The following TSPAN7 variants were observed in gnomAD, a reference collection of about 807,000 sequenced individuals.
The protein encoded by TSPAN7 is tetraspanin-7.
In TSPAN7, 1 loss-of-function variant was observed where a neutral mutation model predicts 17.6. The observed-to-expected ratio is 0.06, with a 90% CI of 0.02 to 0.27. TSPAN7 has a LOEUF of 0.27. TSPAN7 is among the 10% of genes least tolerant of loss of function. The pLI is 1.00. For synonymous variants in TSPAN7, 78 were observed against 79.0 expected (o/e 0.99, Z 0.07); for missense variants, 112 against 201.7 (o/e 0.56, Z 2.69).
Position 38,600,589 on chromosome X carries a change from GAATCTTAC to G in TSPAN7, c.81+38966_81+38973del, listed in dbSNP as rs771547666. ...CATCTGTCCAGCCCAGCTAAGAGTG[GAATCTTAC>G]AATTTGACAACCTATAAATAGGAGG... On this transcript the variant is annotated intron_variant, in intron 1 of 7. Coordinates refer to ENST00000378482, the MANE Select transcript of TSPAN7 (RefSeq NM_004615.4). Among the ~76,000 whole-genome samples, 20 of 111,599 alleles carry G rather than the reference GAATCTTAC, an allele frequency of 1.8e-4. No homozygotes were observed. The South Asian group carries it at 7.1e-3, about 40-fold the overall frequency.
intron 6 of TSPAN7, among the ~76,000 whole-genome samples, chrX:38,686,550 G>A (rs1471624766): frequency 4.5e-5 from 5 of 111,917 alleles, no homozygotes; most frequent in Non-Finnish European, 9.4e-5. Context: ...AGGCGATCGT[G>A]ATGCTCTTGG....
intron 1 of TSPAN7, among the ~76,000 whole-genome samples, chrX:38,593,147 A>G (rs1195212454): frequency 1.8e-5 from 2 of 110,398 alleles, no homozygotes; most frequent in East Asian, 5.7e-4. Flanking sequence ...GTTCTTCCAT[A>G]TGTAACTTTT....
chrX:38,572,129 C>T (rs774008329), intron 1 of TSPAN7, among the ~76,000 whole-genome samples: 2 of 111,608 alleles, frequency 1.8e-5, no homozygotes, highest in East Asian at 5.6e-4. Flanking sequence ...TCATTACTTA[C>T]CAAAGTAAGA....
intron 1 of TSPAN7, among the ~76,000 whole-genome samples, chrX:38,614,281 T>C (rs2069440527): frequency 8.9e-6 from 1 of 112,040 alleles, no homozygotes; most frequent in Non-Finnish European, 1.9e-5. Context: ...TGGAACACCT[T>C]TGTGCCAGGT....
chrX:38,661,634 C>T (rs1385430696), intron 1 of TSPAN7, among the ~76,000 whole-genome samples: 1 of 111,798 alleles, frequency 8.9e-6, no homozygotes, highest in African/African-American at 3.3e-5. Context: ...CCACGGTCTC[C>T]TATCTCTCTC....
chrX:38,662,980 C>T (rs1384245457), intron 1 of TSPAN7, among the ~76,000 whole-genome samples: 2 of 110,422 alleles, frequency 1.8e-5, no homozygotes, highest in Non-Finnish European at 3.8e-5. Context: ...TGTTTGTTTG[C>T]ACCCACTGGC....
intron 1 of TSPAN7, among the ~76,000 whole-genome samples, chrX:38,591,808 T>G (rs920999180): frequency 5.3e-5 from 6 of 112,589 alleles, no homozygotes; most frequent in Admixed American, 1.9e-4. Flanking sequence ...GTATTTTGTC[T>G]GATATTAACA....
intron 1 of TSPAN7, among the ~76,000 whole-genome samples, chrX:38,624,246 A>G (rs1387754700): frequency 9.0e-6 from 1 of 110,674 alleles, no homozygotes; most frequent in Non-Finnish European, 1.9e-5. Context: ...CTAGTAAGCT[A>G]TGGCCCCCCC....
At chrX:38,640,459 C>T (rs1296373597) in intron 1 of TSPAN7, among the ~76,000 whole-genome samples, 1 of 111,733 alleles carries the variant, frequency 8.9e-6, no homozygotes, top group African/African-American at 3.3e-5. Flanking sequence ...TATTACCTAT[C>T]TGATAAAGCC....
At chrX:38,644,257 A>G (rs2147437118) in intron 1 of TSPAN7, among the ~76,000 whole-genome samples, 1 of 111,813 alleles carries the variant, frequency 8.9e-6, no homozygotes, top group South Asian at 3.8e-4. Flanking sequence ...AGCTTAAGGA[A>G]TAGCTGCACT....
chrX:38,687,546 G>A, intron 6 of TSPAN7, 53 bp from the exon 7 acceptor site: 1 of 1,060,891 alleles, frequency 9.4e-7, no homozygotes. Flanking sequence ...ATATTAAAAG[G>A]GTGTGGTTCG....
At chrX:38,646,739 G>A (rs1021913726) in intron 1 of TSPAN7, among the ~76,000 whole-genome samples, 4 of 112,292 alleles carry the variant, frequency 3.6e-5, no homozygotes, top group African/African-American at 1.3e-4. Context: ...GATAGAATTT[G>A]GGGATAATAT....
At chrX:38,601,250 CAGATAGGATGATATTATTTTGAGA>C (rs2069345190) in intron 1 of TSPAN7, among the ~76,000 whole-genome samples, 1 of 111,285 alleles carries the variant, frequency 9.0e-6, no homozygotes, top group Non-Finnish European at 1.9e-5. Flanking sequence ...GTATATCATA[CAGATAGGATGATATTATTTTGAGA>C]CTTAGATAAT....
At chrX:38,639,224 T>G (rs1382469292) in intron 1 of TSPAN7, among the ~76,000 whole-genome samples, 1 of 110,349 alleles carries the variant, frequency 9.1e-6, no homozygotes, top group Admixed American at 9.7e-5. Context: ...TTTACATTAT[T>G]TCATCTGATC....
In TSPAN7 at chrX:38,597,459, T is replaced by A. The variant is rs1044481385; in HGVS notation, c.81+35832T>A. ...AAGCACAAGAAGCCTGCGATGTGCCTTACAGAGAAAATTTGTGTATTAGAT... is the reference window on the plus strand; with the variant it reads ...AAGCACAAGAAGCCTGCGATGTGCCATACAGAGAAAATTTGTGTATTAGAT... On this transcript the variant is annotated intron_variant, in intron 1 of 7. Coordinates refer to ENST00000378482, the MANE Select transcript of TSPAN7 (RefSeq NM_004615.4). Among the ~76,000 whole-genome samples the A allele has an allele frequency of 9.4e-4, 105 of 111,575 alleles. 1 individual carries two copies. The highest frequency in any genetic ancestry group is 3.4e-3 in the African/African-American group (103 of 30,739).
At chrX:38,669,920 G>A (rs2069809245) in intron 2 of TSPAN7, among the ~76,000 whole-genome samples, 1 of 111,844 alleles carries the variant, frequency 8.9e-6, no homozygotes, top group Non-Finnish European at 1.9e-5. Context: ...AGCAAAATGG[G>A]AGAGTCTCAC....
At chrX:38,633,919 A>G (rs1208062844) in intron 1 of TSPAN7, among the ~76,000 whole-genome samples, 2 of 112,091 alleles carry the variant, frequency 1.8e-5, no homozygotes, top group Non-Finnish European at 3.8e-5. Flanking sequence ...ATTCTTGCTA[A>G]AATTTTCTTT....
At chrX:38,602,008 C>T (rs1171248117) in intron 1 of TSPAN7, among the ~76,000 whole-genome samples, 1 of 111,961 alleles carries the variant, frequency 8.9e-6, no homozygotes, top group Non-Finnish European at 1.9e-5. Flanking sequence ...AGTCACATCA[C>T]CAAGCCCAGT....
At chrX:38,643,735 C>T (rs2069628480) in intron 1 of TSPAN7, among the ~76,000 whole-genome samples, 1 of 108,400 alleles carries the variant, frequency 9.2e-6, no homozygotes, top group Non-Finnish European at 1.9e-5. Context: ...GTCCCAGCTA[C>T]TCAGGAGGCT....
Sources: allele counts gnomAD v4.1 joint callset (sites outside exome capture counted in the v4.1 genomes callset), GRCh38; gene constraint gnomAD v4.1.1; transcripts MANE v1.5; gene names NCBI Gene and HGNC (gene_info 2026-07-23, HGNC 2026-07-21).